DAB1: variants seen among roughly 807,000 people sequenced by gnomAD.
DAB1 encodes the protein disabled homolog 1.
DAB1 carries 15 observed loss-of-function variants against 64.6 expected under a neutral mutation model. The observed-to-expected ratio is 0.23, with a 90% confidence interval of 0.16 to 0.36. The LOEUF (loss-of-function observed/expected upper bound fraction) is 0.36. DAB1 is among the 10% of genes least tolerant of loss of function. DAB1 has a pLI of 1.00. For missense variants in DAB1, 596 were observed against 706.7 expected, an observed-to-expected ratio of 0.84 and a Z score of 1.78; for synonymous variants, 235 against 251.9, an observed-to-expected ratio of 0.93 and a Z score of 0.64.
chr1:58,025,648 T>C lies in DAB1; in HGVS notation n.387+124863A>G, dbSNP rs1018265236. Reference sequence around the variant, plus strand: ...ATAAATATAATATTATATATATATGTGTGTATATATATATATATATATATA... The same window carrying C: ...ATAAATATAATATTATATATATATGCGTGTATATATATATATATATATATA... On this transcript the variant is annotated intron_variant and non_coding_transcript_variant, in intron 5 of 20. Transcript: ENST00000485760. Among the ~76,000 whole-genome samples the C allele has an allele frequency of 5.3e-3, 341 of 64,948 alleles. 2 individuals carry two copies. Among genetic ancestry groups the C allele is most frequent in the African/African-American group, 0.018 (322 of 18,200 alleles). 42.6% of individuals were successfully genotyped at this position (64,948 alleles called of 152,430 possible). A position where few individuals can be genotyped will look rare whatever the true frequency, so the allele number is the denominator to read the frequency against.
At position 57,771,939 on chromosome 1, in the gene DAB1, TC is replaced by T. The variant is rs371028188; in HGVS notation, n.551+112059del. Among the ~76,000 whole-genome samples the T allele has an allele frequency of 2.9e-3, 441 of 152,174 alleles. 1 individual carries two copies. The highest frequency in any genetic ancestry group is 0.01 in the African/African-American group (420 of 41,464). ...TCATTGGAGGTATTAATACTTTATT[TC>T]TTTTTATTATTGCTATTCCTTTGTA... On this transcript the variant is annotated intron_variant and non_coding_transcript_variant, in intron 6 of 20. Coordinates refer to the DAB1 transcript ENST00000485760.
At chr1:58,363,872 C>T (rs1644191132) in intron 3 of DAB1, among the ~76,000 whole-genome samples, 1 of 152,212 alleles carries the variant, frequency 6.6e-6, no homozygotes, top group Non-Finnish European at 1.5e-5. Context: ...CCTTATCTCC[C>T]TTCTAGCCCC....
chr1:58,034,366 C>T (rs1427492405), intron 5 of DAB1, among the ~76,000 whole-genome samples: 1 of 152,194 alleles, frequency 6.6e-6, no homozygotes, highest in African/African-American at 2.4e-5. Flanking sequence ...CTGCCCCAGG[C>T]AGACTGTGGG....
chr1:57,794,723 T>G (rs1357372907), intron 6 of DAB1, among the ~76,000 whole-genome samples: 1 of 152,212 alleles, frequency 6.6e-6, no homozygotes, highest in Admixed American at 6.5e-5. Context: ...CATACTTTAT[T>G]TATTTATTAC....
At chr1:57,054,501 G>C (rs1285720371) in intron 9 of DAB1, among the ~76,000 whole-genome samples, 1 of 120,934 alleles carries the variant, frequency 8.3e-6, no homozygotes, top group Non-Finnish European at 1.6e-5. Flanking sequence ...TTTTTGAGAT[G>C]GGGTCTCGCT....
At chr1:57,301,636 T>C (rs2100700396) in intron 1 of DAB1, among the ~76,000 whole-genome samples, 1 of 152,310 alleles carries the variant, frequency 6.6e-6, no homozygotes, top group East Asian at 1.9e-4. Flanking sequence ...ACCTAAAATA[T>C]ATACCGCCAT....
At chr1:57,806,875 T>C (rs927511198) in intron 6 of DAB1, among the ~76,000 whole-genome samples, 3 of 152,200 alleles carry the variant, frequency 2.0e-5, no homozygotes, top group African/African-American at 7.2e-5. Context: ...TATATACTTA[T>C]CATATTTACT....
intron 2 of DAB1, among the ~76,000 whole-genome samples, chr1:57,282,182 CAA>C (rs61512431): frequency 0.028 from 2,628 of 92,658 alleles, 46 homozygotes; most frequent in African/African-American, 0.035. Context: ...GCCTTCTTCT[CAA>C]AAAAAAAAAA....
At chr1:58,326,334 G>A (rs1473852061) in intron 4 of DAB1, among the ~76,000 whole-genome samples, 1 of 152,184 alleles carries the variant, frequency 6.6e-6, no homozygotes, top group African/African-American at 2.4e-5. Flanking sequence ...CAGACTGGCT[G>A]CTCTCCCTGG....
chr1:58,281,081 GA>G (rs1157946425), intron 4 of DAB1, among the ~76,000 whole-genome samples: 2 of 152,166 alleles, frequency 1.3e-5, no homozygotes, highest in African/African-American at 4.8e-5. Flanking sequence ...AGATGAGCAA[GA>G]AGGAAACTCC....
intron 4 of DAB1, among the ~76,000 whole-genome samples, chr1:58,341,855 T>C (rs1292030707): frequency 1.3e-5 from 2 of 152,230 alleles, no homozygotes; most frequent in Admixed American, 6.5e-5. Flanking sequence ...CCACTTTCTC[T>C]AGTCTGGTTA....
chr1:57,156,326 C>A (rs1329978338), intron 2 of DAB1, among the ~76,000 whole-genome samples: 1 of 152,172 alleles, frequency 6.6e-6, no homozygotes, highest in Non-Finnish European at 1.5e-5. Flanking sequence ...CCACCCTTAA[C>A]TCCAGCCTTA....
chr1:58,334,221 C>T (rs528880456), intron 4 of DAB1, among the ~76,000 whole-genome samples: 1 of 152,278 alleles, frequency 6.6e-6, no homozygotes, highest in African/African-American at 2.4e-5. Context: ...ATCCTTCTCA[C>T]TCTCACCTCC....
intron 2 of DAB1, among the ~76,000 whole-genome samples, chr1:57,251,947 C>G (rs533663501): frequency 6.6e-6 from 1 of 152,332 alleles, no homozygotes; most frequent in Non-Finnish European, 1.5e-5. Context: ...TCCTAGGCCA[C>G]AGGCCTGTGA....
chr1:58,159,201 C>T (rs17117046), intron 4 of DAB1, among the ~76,000 whole-genome samples: 2,745 of 152,234 alleles, frequency 0.018, 27 homozygotes, highest in Non-Finnish European at 0.028. Context: ...AAAGTCCCTA[C>T]CTTAGTGTTA....
At chr1:57,713,682 A>G (rs1324138429) in intron 6 of DAB1, among the ~76,000 whole-genome samples, 1 of 152,254 alleles carries the variant, frequency 6.6e-6, no homozygotes, top group East Asian at 1.9e-4. Context: ...GGCAAAGGAA[A>G]GTAAAATAGA....
chr1:57,576,113 A>T (rs948811180), intron 7 of DAB1, among the ~76,000 whole-genome samples: 4 of 152,186 alleles, frequency 2.6e-5, no homozygotes, highest in African/African-American at 9.6e-5. Context: ...TTCACATTTT[A>T]GATTTTGATC....
Position 57,302,471 on chromosome 1 carries a change from T to C in DAB1, c.-136-11305A>G, listed in dbSNP as rs61767395. Among the ~76,000 whole-genome samples the C allele has an allele frequency of 8.2e-3, 1,243 of 152,162 alleles. 31 individuals are homozygous for C. Among genetic ancestry groups the C allele is most frequent in the East Asian group, 0.08 (413 of 5,150 alleles). On this transcript the variant is annotated intron_variant, in intron 1 of 14. Transcript: ENST00000371236. ...GCACTCACTCCTTACACACCACACC[T>C]CTACTTACAAGTAAGAGCACGGTGG...
chr1:58,434,317 A>G (rs822160), intron 3 of DAB1, among the ~76,000 whole-genome samples: 66,167 of 151,822 alleles, frequency 0.44, 16,136 homozygotes, highest in African/African-American at 0.68. Flanking sequence ...GATGGTGAGA[A>G]GTAGTAGCTC....
Sources: gnomAD v4.1 joint callset for allele counts (sites outside exome capture counted in the v4.1 genomes callset) on GRCh38, gnomAD v4.1.1 for gene constraint, MANE v1.5 for transcripts, NCBI Gene and HGNC (gene_info 2026-07-23, HGNC 2026-07-21) for gene names.